Variants in CLASP2 observed in about 807,000 individuals in gnomAD.
CLASP2 encodes the protein cytoplasmic linker associated protein 2, also known as CLIP-associating protein 2.
In CLASP2, 47 loss-of-function variants were observed where a neutral mutation model predicts 194.4. The ratio of observed to expected loss-of-function variants is 0.24; its 90% CI spans 0.19 to 0.31. The LOEUF is 0.31. CLASP2 is among the 10% of genes least tolerant of loss of function. The pLI is 1.00. For synonymous variants in CLASP2, 619 were observed against 633.5 expected (o/e 0.98, Z 0.34); for missense variants, 1,445 against 1,823.6 (o/e 0.79, Z 3.78).
chr3:33,551,421 G>C lies in CLASP2; in HGVS notation c.3010-26C>G, dbSNP rs192127456. On this transcript the variant is annotated intron_variant, in intron 29 of 38. Transcript: ENST00000682230. ...CTGCAGAGGAAAGCACAAAGAGAAA[G>C]GACAGAAAGATGGTTATTGTGAGAC... 6,769 of 1,602,306 alleles carry C rather than the reference G, an allele frequency of 4.2e-3. 30 individuals carry two copies. The highest frequency in any genetic ancestry group is 6.1e-3 in the Admixed American group (358 of 58,884).
chr3:33,512,570 A>AAAAAAAAAAAAAAAAAAAAC (rs2050175442), intron 36 of CLASP2, among the ~76,000 whole-genome samples: 1 of 63,086 alleles, frequency 1.6e-5, no homozygotes, highest in African/African-American at 5.8e-5. Flanking sequence ...AAAAAAAAAA[A>AAAAAAAAAAAAAAAAAAAAC]AAAAAAAAAA....
In CLASP2 at chr3:33,517,110, C is replaced by A; in HGVS notation, c.3852G>T (p.Glu1284Asp). 1 of 1,613,546 alleles carries A rather than the reference C, an allele frequency of 6.2e-7. No individual in the cohort carries two copies. Among genetic ancestry groups the A allele is most frequent in the Non-Finnish European group, 8.5e-7 (1 of 1,179,722 alleles). ...GGGCAATTTTTCTTTCTTCTACACG[C>A]TCATTATGGTTAGACAGCTCCTTCA... ...ELLKELSNHN[E>D]RVEERKIALY... Residue 1284 changes from glutamate to aspartate, a missense_variant, in exon 35 of 39, where the codon GAG (glutamate) becomes GAT (aspartate). By Grantham distance (45) the Glu-to-Asp change is conservative. Around this residue, in one of 4 missense-constraint regions of CLASP2, gnomAD observed 732 missense variants for 987.9 expected, o/e 0.74. Coordinates refer to ENST00000682230, the MANE Select transcript of CLASP2 (RefSeq NM_001365631.1).
At chr3:33,604,750 C>G (rs1216846749) in intron 16 of CLASP2, among the ~76,000 whole-genome samples, 2 of 152,164 alleles carry the variant, frequency 1.3e-5, no homozygotes, top group African/African-American at 4.8e-5. Context: ...AGACTAAGCT[C>G]TACAGAGACA....
chr3:33,688,150 A>T (rs2090927575), intron 4 of CLASP2, 127 bp downstream of exon 4: 1 of 621,822 alleles, frequency 1.6e-6, no homozygotes, highest in African/African-American at 1.9e-5. Flanking sequence ...AAAGGTATCA[A>T]ATGAAGTTAT....
In CLASP2 at chr3:33,687,121, G is replaced by C; in HGVS notation, c.485C>G (p.Pro162Arg). The C allele has an allele frequency of 6.3e-7, 1 of 1,595,242 alleles. No homozygotes were observed. The highest frequency in any genetic ancestry group is 8.5e-7 in the Non-Finnish European group (1 of 1,169,966). ...IETLNIFGAQ[P>R]LVISKLIPHL... ...TGGTATCAATTTGCTGATGACTAGT[G>C]GCTGAGCCCCAAAACTAAATATAAT... is the stretch of plus-strand genomic sequence containing the variant. The change falls in exon 5 of 39, where the codon CCA becomes CGA. Residue 162 changes from proline to arginine, a missense_variant. Around this residue, in one of 4 missense-constraint regions of CLASP2, gnomAD observed 332 missense variants for 325.3 expected, o/e 1.02. Transcript: ENST00000682230.
intron 6 of CLASP2, among the ~76,000 whole-genome samples, chr3:33,674,592 A>C (rs1335017413): frequency 6.6e-6 from 1 of 152,082 alleles, no homozygotes; most frequent in Non-Finnish European, 1.5e-5. Context: ...AATCAGAGCA[A>C]AACTGAAGGA....
intron 8 of CLASP2, among the ~76,000 whole-genome samples, chr3:33,639,234 T>G (rs1237093228): frequency 6.6e-6 from 1 of 152,084 alleles, no homozygotes; most frequent in African/African-American, 2.4e-5. Context: ...ATTTTTGTAT[T>G]TTGTGTACAG....
intron 6 of CLASP2, among the ~76,000 whole-genome samples, chr3:33,682,026 T>C (rs1005499204): frequency 6.7e-6 from 1 of 148,940 alleles, no homozygotes; most frequent in African/African-American, 2.4e-5. Flanking sequence ...CCACTGTGAG[T>C]AGAAGCTGTG....
chr3:33,675,302 TA>T (rs1429143218), intron 6 of CLASP2, among the ~76,000 whole-genome samples: 1 of 152,192 alleles, frequency 6.6e-6, no homozygotes, highest in Non-Finnish European at 1.5e-5. Context: ...TCAATAAATG[TA>T]TTCCAGCATA....
At position 33,501,808 on chromosome 3, in the gene CLASP2, C is replaced by T. The variant is rs374507764; in HGVS notation, c.4318-40G>A. On this transcript the variant is annotated intron_variant, in intron 37 of 38. Transcript: ENST00000682230. Reference sequence around the variant, plus strand: ...CCACTGTTAGTACTCCAGAGAAGTCCACTGTTAGTACTCCCTTTTTAACAG... The same window carrying T: ...CCACTGTTAGTACTCCAGAGAAGTCTACTGTTAGTACTCCCTTTTTAACAG... The T allele has an allele frequency of 3.2e-6, 4 of 1,260,206 alleles. No individual in the cohort carries two copies. In the African/African-American group the frequency reaches 4.4e-5, roughly 14 times the overall value. 78.1% of individuals were successfully genotyped at this position (1,260,206 alleles called of 1,614,324 possible). A position where few individuals can be genotyped will look rare whatever the true frequency, so the allele number is the denominator to read the frequency against.
At chr3:33,540,232 ATTTTTTT>A (rs11398038) in intron 32 of CLASP2, among the ~76,000 whole-genome samples, 3 of 122,104 alleles carry the variant, frequency 2.5e-5, no homozygotes, top group Admixed American at 9.0e-5. Flanking sequence ...GACTGGCCAA[ATTTTTTT>A]TTTTTTTTTT....
intron 37 of CLASP2, chr3:33,502,388 C>A (rs2047047802): frequency 6.6e-6 from 1 of 152,180 alleles, no homozygotes; most frequent in South Asian, 2.1e-4. Context: ...ATGACCAAAT[C>A]AGGCTAATCA....
At chr3:33,546,690 GTTCCT>G (rs1158495857) in intron 30 of CLASP2, among the ~76,000 whole-genome samples, 2 of 152,100 alleles carry the variant, frequency 1.3e-5, no homozygotes, top group Non-Finnish European at 2.9e-5. Context: ...GAGGACTTAG[GTTCCT>G]TTCAACATCA....
intron 13 of CLASP2, among the ~76,000 whole-genome samples, chr3:33,609,369 A>G (rs191191266): frequency 2.1e-3 from 314 of 152,314 alleles, no homozygotes; most frequent in Non-Finnish European, 3.7e-3. Context: ...GAAGATATAC[A>G]ATGGTGATCA....
intron 12 of CLASP2, among the ~76,000 whole-genome samples, chr3:33,616,587 T>C (rs973335349): frequency 2.3e-4 from 35 of 152,180 alleles, no homozygotes; most frequent in African/African-American, 6.3e-4. Flanking sequence ...GATCAAACTT[T>C]AGCAAAATGT....
intron 1 of CLASP2, among the ~76,000 whole-genome samples, chr3:33,698,678 A>T (rs1056000399): frequency 1.3e-5 from 2 of 152,226 alleles, no homozygotes; most frequent in African/African-American, 4.8e-5. Flanking sequence ...AGCAATCATA[A>T]CATTGAAACC....
chr3:33,679,611 G>C (rs1343979626), intron 6 of CLASP2, among the ~76,000 whole-genome samples: 2 of 152,172 alleles, frequency 1.3e-5, no homozygotes, highest in Non-Finnish European at 2.9e-5. Context: ...AAGATATACA[G>C]ATGGCAAACA....
chr3:33,585,199 A>G (rs1576790265), intron 21 of CLASP2, among the ~76,000 whole-genome samples: 1 of 152,234 alleles, frequency 6.6e-6, no homozygotes, highest in Non-Finnish European at 1.5e-5. Flanking sequence ...ACATTATTAT[A>G]ATTTTTAGAA....
intron 8 of CLASP2, chr3:33,644,494 C>A: frequency 7.9e-6 from 3 of 381,534 alleles, no homozygotes; most frequent in South Asian, 2.6e-5. Flanking sequence ...AAAAAACTTC[C>A]ATAAATCTTT....
Sources: gnomAD v4.1 joint callset for allele counts (sites outside exome capture counted in the v4.1 genomes callset) on GRCh38, gnomAD v4.1.1 for gene constraint, gnomAD v4.1.1 regional missense constraint, MANE v1.5 for transcripts, NCBI Gene and HGNC (gene_info 2026-07-23, HGNC 2026-07-21) for gene names.